Variants in CDIN1 observed in about 807,000 individuals in gnomAD.
CDIN1 encodes the protein CDAN1-interacting nuclease 1.
CDIN1 carries 33 observed loss-of-function variants against 45.3 expected under a neutral mutation model. The observed-to-expected ratio is 0.73, with a 90% CI of 0.55 to 0.97. The LOEUF is 0.97. Ranked by LOEUF, CDIN1 falls within the 50% of genes least tolerant of loss-of-function variation. The pLI is 0.00. For missense variants in CDIN1, 303 were observed against 339.4 expected (o/e 0.89, Z 0.84); for synonymous variants, 118 against 124.4 (o/e 0.95, Z 0.34).
rs1555397241 is a variant in CDIN1, at chr15:36,703,233, T to TATATA, written c.544+5843_544+5844insATATA. Among the ~76,000 whole-genome samples the TATATA allele has an allele frequency of 1.6e-4, 10 of 64,088 alleles. 1 individual carries two copies. The highest frequency in any genetic ancestry group is 6.6e-4 in the African/African-American group (9 of 13,690). The allele number at this position is 64,088 out of a possible 152,430, so 42.0% of individuals were successfully genotyped here. Reference sequence around the variant, plus strand: ...ACCCTGTCTCAAATATATATATATATCAGATATATATATATCAGAAAGGGA... The same window carrying TATATA: ...ACCCTGTCTCAAATATATATATATATATATACAGATATATATATATCAGAAAGGGA... On this transcript the variant is annotated intron_variant, in intron 8 of 10. Transcript: ENST00000566621.
chr15:36,624,554 T>C (rs754762687), intron 1 of CDIN1, among the ~76,000 whole-genome samples: 4 of 152,186 alleles, frequency 2.6e-5, no homozygotes, highest in Non-Finnish European at 5.9e-5. Flanking sequence ...AAGGAAAACA[T>C]GTCATCTACT....
At chr15:36,594,328 G>A (rs1206432613) in intron 1 of CDIN1, among the ~76,000 whole-genome samples, 2 of 152,024 alleles carry the variant, frequency 1.3e-5, no homozygotes, top group African/African-American at 2.4e-5. Context: ...TATTCCCAAA[G>A]ACTATGGAAG....
intron 10 of CDIN1, among the ~76,000 whole-genome samples, chr15:36,775,762 A>C (rs2054202847): frequency 6.6e-6 from 1 of 152,202 alleles, no homozygotes; most frequent in African/African-American, 2.4e-5. Flanking sequence ...TGTTTTCTAA[A>C]TGTATAAATA....
At chr15:36,796,335 G>A (rs914153100) in intron 10 of CDIN1, among the ~76,000 whole-genome samples, 1 of 152,086 alleles carries the variant, frequency 6.6e-6, no homozygotes, top group African/African-American at 2.4e-5. Context: ...GAAATCTTGG[G>A]GCTATGCCAG....
chr15:36,624,923 G>A (rs560989949), intron 1 of CDIN1, among the ~76,000 whole-genome samples: 2 of 152,112 alleles, frequency 1.3e-5, no homozygotes, highest in East Asian at 3.8e-4. Context: ...AGAAAGATTA[G>A]TGGGGGCAGA....
At chr15:36,775,826 T>C (rs988298446) in intron 10 of CDIN1, among the ~76,000 whole-genome samples, 1 of 152,236 alleles carries the variant, frequency 6.6e-6, no homozygotes, top group African/African-American at 2.4e-5. Flanking sequence ...TATGTTCATT[T>C]TTTTCCTTAA....
chr15:36,804,543 A>G (rs944159653), intron 10 of CDIN1: 1 of 152,274 alleles, frequency 6.6e-6, no homozygotes, highest in South Asian at 2.1e-4. Context: ...GGGTCCCAAT[A>G]TAACAGACAA....
chr15:36,793,931 T>C (rs774740364), intron 10 of CDIN1, among the ~76,000 whole-genome samples: 2 of 152,134 alleles, frequency 1.3e-5, no homozygotes, highest in Non-Finnish European at 2.9e-5. Flanking sequence ...GTTATCTGTT[T>C]ACATTATCTT....
At chr15:36,629,048 G>A (rs2039570707) in intron 1 of CDIN1, among the ~76,000 whole-genome samples, 1 of 152,196 alleles carries the variant, frequency 6.6e-6, no homozygotes, top group Non-Finnish European at 1.5e-5. Flanking sequence ...GAAGCTGAGA[G>A]AGATGAGAAA....
intron 5 of CDIN1, among the ~76,000 whole-genome samples, chr15:36,687,108 A>T (rs757496377): frequency 3.9e-5 from 6 of 152,074 alleles, no homozygotes; most frequent in Non-Finnish European, 8.8e-5. Flanking sequence ...GTAATAGGGG[A>T]ATAAAGAAAA....
intron 1 of CDIN1, among the ~76,000 whole-genome samples, chr15:36,625,419 C>A (rs1179172808): frequency 6.6e-6 from 1 of 152,138 alleles, no homozygotes; most frequent in African/African-American, 2.4e-5. Flanking sequence ...CTTATGATTG[C>A]ATAGAGTTAG....
intron 1 of CDIN1, among the ~76,000 whole-genome samples, chr15:36,607,223 A>G (rs2038419057): frequency 6.6e-6 from 1 of 152,162 alleles, no homozygotes; most frequent in Non-Finnish European, 1.5e-5. Context: ...ATCTTATCAA[A>G]TTGTTGGATC....
At chr15:36,770,369 A>G (rs1281728922) in intron 10 of CDIN1, among the ~76,000 whole-genome samples, 1 of 151,918 alleles carries the variant, frequency 6.6e-6, no homozygotes, top group Non-Finnish European at 1.5e-5. Context: ...GGAGAGAGAG[A>G]AAAGGAGAGG....
At chr15:36,726,978 C>T (rs1480827761) in intron 10 of CDIN1, among the ~76,000 whole-genome samples, 1 of 152,158 alleles carries the variant, frequency 6.6e-6, no homozygotes, top group Non-Finnish European at 1.5e-5. Context: ...ATCTTTCCCT[C>T]TGAAAGCACA....
At chr15:36,807,125 T>G (rs1171417948) in intron 10 of CDIN1, among the ~76,000 whole-genome samples, 1 of 152,198 alleles carries the variant, frequency 6.6e-6, no homozygotes, top group African/African-American at 2.4e-5. Flanking sequence ...GCTACCCCAC[T>G]AATGTGGATC....
At chr15:36,657,806 T>C (rs777429485) in intron 4 of CDIN1, 27 bp from the exon 5 acceptor site, 4 of 1,584,814 alleles carry the variant, frequency 2.5e-6, no homozygotes, top group Admixed American at 1.7e-5. Flanking sequence ...CTTGATAGTT[T>C]TAATTTTCTA....
chr15:36,664,657 C>T (rs2041173038), intron 5 of CDIN1, among the ~76,000 whole-genome samples: 1 of 152,180 alleles, frequency 6.6e-6, no homozygotes, highest in South Asian at 2.1e-4. Context: ...CGCCATTCTC[C>T]TGCCTCAGCC....
chr15:36,656,945 G>C (rs1268046536), intron 4 of CDIN1, among the ~76,000 whole-genome samples: 1 of 152,088 alleles, frequency 6.6e-6, no homozygotes, highest in Non-Finnish European at 1.5e-5. Flanking sequence ...TTCCACCTAA[G>C]ATAAAAAGAC....
chr15:36,756,191 C>T, intron 10 of CDIN1: 1 of 452,082 alleles, frequency 2.2e-6, no homozygotes, highest in South Asian at 1.6e-5. Context: ...CTGTAATTAT[C>T]TTAAATGTGA....
Sources: allele counts gnomAD v4.1 joint callset (sites outside exome capture counted in the v4.1 genomes callset), GRCh38; gene constraint gnomAD v4.1.1; transcripts MANE v1.5; gene names NCBI Gene and HGNC (gene_info 2026-07-23, HGNC 2026-07-21).